The following EYA3 variants were observed in gnomAD, a reference collection of about 807,000 sequenced individuals.
EYA3 encodes protein phosphatase EYA3.
EYA3 carries 39 observed loss-of-function variants against 80.0 expected under a neutral mutation model. The ratio of observed to expected loss-of-function variants is 0.49; its 90% CI spans 0.38 to 0.64. The LOEUF (loss-of-function observed/expected upper bound fraction) is 0.64. Ranked by LOEUF, EYA3 falls within the 30% of genes least tolerant of loss-of-function variation. The probability of loss-of-function intolerance (pLI) is 0.00; values close to 1 mark genes in which losing one functional copy is unlikely to be tolerated. For synonymous variants in EYA3, 206 were observed against 232.8 expected (o/e 0.88, Z 1.05); for missense variants, 523 against 676.1 (o/e 0.77, Z 2.51).
In EYA3 at chr1:28,005,974, G is replaced by A. The variant is rs139131990; in HGVS notation, c.910-1555C>T. ...ACAAAAATTAGCTGGGTGTGGTGGT[G>A]CACACTTGTAGTCCCAGCTACTTGG... On this transcript the variant is annotated intron_variant, in intron 10 of 17. Transcript: ENST00000373871. Among the ~76,000 whole-genome samples the A allele has an allele frequency of 6.4e-3, 973 of 151,844 alleles. 9 individuals are homozygous for A. Among genetic ancestry groups the A allele is most frequent in the African/African-American group, 0.022 (900 of 41,384 alleles).
chr1:27,988,421 C>T (rs1639810020), intron 16 of EYA3, 114 bp downstream of exon 16: 5 of 1,154,306 alleles, frequency 4.3e-6, no homozygotes, highest in Admixed American at 2.6e-5. Flanking sequence ...GTTGTGAGGA[C>T]TGTAGGTATT....
At chr1:28,065,074 G>C (rs772177886) in intron 1 of EYA3, among the ~76,000 whole-genome samples, 2 of 152,184 alleles carry the variant, frequency 1.3e-5, no homozygotes, top group Non-Finnish European at 2.9e-5. Flanking sequence ...AAGACCCCCA[G>C]TTGACCCCTG....
At chr1:27,997,235 T>C in intron 13 of EYA3, 85 bp downstream of exon 13, 1 of 1,221,146 alleles carries the variant, frequency 8.2e-7, no homozygotes, top group Non-Finnish European at 1.2e-6. Context: ...TATATTCTAT[T>C]TATCTTTGTT....
At chr1:28,033,654 A>T (rs1228731754) in intron 6 of EYA3, among the ~76,000 whole-genome samples, 36 of 129,798 alleles carry the variant, frequency 2.8e-4, no homozygotes, top group African/African-American at 5.3e-4. Flanking sequence ...TATTATTATT[A>T]TTATTATTAT....
intron 16 of EYA3, among the ~76,000 whole-genome samples, chr1:27,981,853 T>G (rs1328145876): frequency 6.6e-6 from 1 of 152,022 alleles, no homozygotes; most frequent in African/African-American, 2.4e-5. Context: ...ATTTACTTAT[T>G]TATGAGACAA....
chr1:28,051,858 A>G (rs1025401561), intron 2 of EYA3, among the ~76,000 whole-genome samples: 2 of 152,132 alleles, frequency 1.3e-5, no homozygotes, highest in Non-Finnish European at 2.9e-5. Context: ...GTCTACAGTC[A>G]ATCCAATCAA....
At chr1:27,981,775 A>AG in intron 16 of EYA3, among the ~76,000 whole-genome samples, 1 of 151,800 alleles carries the variant, frequency 6.6e-6, no homozygotes, top group African/African-American at 2.4e-5. Context: ...AAAAAAAAAA[A>AG]AAAAGAAAAA....
chr1:28,070,512 A>C, intron 1 of EYA3, among the ~76,000 whole-genome samples: 1 of 152,156 alleles, frequency 6.6e-6, no homozygotes, highest in East Asian at 1.9e-4. Flanking sequence ...CAGCAAGCCG[A>C]GATCATGCCA....
rs3831952 is a variant in EYA3 at position 27,974,259 on chromosome 1, CAGAGAGAG to C, written c.*199_*206del. On this transcript the variant is annotated 3_prime_UTR_variant, in exon 18 of 18. Transcript: ENST00000373871. ...CTCGCCAGCATTCCATGGATAAAGA[CAGAGAGAG>C]AGAGAGAGAGAGAGGCAGAGAGGGA... 16 of 338,316 alleles carry C rather than the reference CAGAGAGAG, an allele frequency of 4.7e-5. No homozygotes were observed. Among genetic ancestry groups the C allele is most frequent in the African/African-American group, 1.2e-4 (5 of 43,200 alleles). 21.0% of individuals were successfully genotyped at this position (338,316 alleles called of 1,614,324 possible).
At chr1:27,996,882 T>C (rs949839352) in intron 13 of EYA3, among the ~76,000 whole-genome samples, 1 of 152,188 alleles carries the variant, frequency 6.6e-6, no homozygotes, top group Non-Finnish European at 1.5e-5. Flanking sequence ...TTCACTATAA[T>C]AAAATGTGGA....
intron 9 of EYA3, among the ~76,000 whole-genome samples, chr1:28,012,224 C>A (rs1010717439): frequency 7.2e-5 from 11 of 152,196 alleles, no homozygotes; most frequent in African/African-American, 2.4e-4. Context: ...ATCACACTAG[C>A]CTTGCAACTT....
At chr1:28,059,867 C>T (rs184947798) in intron 1 of EYA3, among the ~76,000 whole-genome samples, 28 of 151,966 alleles carry the variant, frequency 1.8e-4, no homozygotes, top group Admixed American at 4.6e-4. Flanking sequence ...ACTACAGGCG[C>T]GCCACCATGC....
chr1:28,035,767 A>G, intron 5 of EYA3, 87 bp from the exon 6 acceptor site: 2 of 1,246,748 alleles, frequency 1.6e-6, no homozygotes, highest in Non-Finnish European at 2.3e-6. Flanking sequence ...ACTAACAGCA[A>G]AGAATCTGCA....
At chr1:28,046,847 T>TC (rs1007355558) in intron 3 of EYA3, among the ~76,000 whole-genome samples, 19 of 150,956 alleles carry the variant, frequency 1.3e-4, no homozygotes, top group Middle Eastern at 3.4e-3. Flanking sequence ...TTTCTTTCTT[T>TC]TTTTTTTTTT....
intron 11 of EYA3, 32 bp from the exon 12 acceptor site, chr1:28,000,081 T>G: frequency 6.6e-7 from 1 of 1,507,970 alleles, no homozygotes; most frequent in Non-Finnish European, 9.1e-7. Context: ...TCAGCTTGAC[T>G]TGGTAGTCAC....
chr1:28,069,976 A>G (rs556241636), intron 1 of EYA3, among the ~76,000 whole-genome samples: 1 of 152,282 alleles, frequency 6.6e-6, no homozygotes, highest in Non-Finnish European at 1.5e-5. Flanking sequence ...AGAAGCTGGG[A>G]GAGGCAAGGG....
intron 1 of EYA3, among the ~76,000 whole-genome samples, chr1:28,083,240 G>A (rs1645494908): frequency 6.6e-6 from 1 of 152,158 alleles, no homozygotes; most frequent in African/African-American, 2.4e-5. Flanking sequence ...GAGTACCCTT[G>A]GCTGGGCACG....
intron 16 of EYA3, among the ~76,000 whole-genome samples, chr1:27,985,146 C>T (rs533592494): frequency 3.9e-5 from 6 of 152,190 alleles, no homozygotes; most frequent in South Asian, 2.1e-4. Context: ...GGCATAATCA[C>T]GGCTCACTGC....
intron 7 of EYA3, among the ~76,000 whole-genome samples, chr1:28,022,203 C>G (rs891664602): frequency 6.6e-6 from 1 of 152,164 alleles, no homozygotes; most frequent in African/African-American, 2.4e-5. Context: ...GGCTGGAGTG[C>G]AGTGGCGCGA....
Sources: gnomAD v4.1 joint callset for allele counts (sites outside exome capture counted in the v4.1 genomes callset) on GRCh38, gnomAD v4.1.1 for gene constraint, MANE v1.5 for transcripts, NCBI Gene and HGNC (gene_info 2026-07-23, HGNC 2026-07-21) for gene names.